LRP1B: variants seen among roughly 807,000 people sequenced by gnomAD.
The protein encoded by LRP1B is LDL receptor related protein 1B.
Under a neutral mutation model 556.6 loss-of-function variants are expected in LRP1B, and 217 were observed. The ratio of observed to expected loss-of-function variants is 0.39; its 90% confidence interval spans 0.35 to 0.44. LRP1B has a LOEUF of 0.44. Ranked by LOEUF, LRP1B falls within the 20% of genes least tolerant of loss-of-function variation. The pLI is 1.00. For missense variants in LRP1B, 5,053 were observed against 5,620.8 expected (o/e 0.90, Z 3.23); for synonymous variants, 2,047 against 1,865.8 (o/e 1.10, Z -2.50).
At chr2:140,418,511 A>G (rs1041404931) in intron 66 of LRP1B, among the ~76,000 whole-genome samples, 8 of 152,166 alleles carry the variant, frequency 5.3e-5, no homozygotes, top group African/African-American at 1.9e-4. Context: ...CAGTCAAGGC[A>G]GAATATGCTG....
chr2:142,013,993 G>T (rs1394478405), intron 1 of LRP1B, among the ~76,000 whole-genome samples: 1 of 152,106 alleles, frequency 6.6e-6, no homozygotes, highest in Non-Finnish European at 1.5e-5. Context: ...TTGCCTTAAA[G>T]ATAATAATGT....
chr2:141,245,256 T>C (rs567669088), intron 5 of LRP1B, among the ~76,000 whole-genome samples: 2 of 152,332 alleles, frequency 1.3e-5, no homozygotes, highest in East Asian at 1.9e-4. Context: ...ATAAATCAAG[T>C]CAGTAATTCA....
chr2:140,748,837 T>C (rs1688469074), intron 35 of LRP1B, among the ~76,000 whole-genome samples: 1 of 131,254 alleles, frequency 7.6e-6, no homozygotes, highest in Non-Finnish European at 1.6e-5. Flanking sequence ...TCATATATTA[T>C]ATACATGTAT....
At chr2:140,453,891 C>A (rs570676643) in intron 62 of LRP1B, among the ~76,000 whole-genome samples, 12 of 152,196 alleles carry the variant, frequency 7.9e-5, no homozygotes, top group African/African-American at 2.6e-4. Flanking sequence ...ATTAAGAATG[C>A]AAAATTTTCA....
chr2:141,660,346 C>A (rs1041010422), intron 2 of LRP1B, among the ~76,000 whole-genome samples: 4 of 152,082 alleles, frequency 2.6e-5, no homozygotes, highest in South Asian at 2.1e-4. Flanking sequence ...TGAGCCCATG[C>A]CACTAGGACC....
intron 50 of LRP1B, among the ~76,000 whole-genome samples, chr2:140,516,494 C>T (rs1263900951): frequency 2.6e-5 from 4 of 152,004 alleles, no homozygotes. Context: ...CCCAATCCCC[C>T]ATGCAGATAC....
At chr2:141,210,874 T>A (rs1682509044) in intron 6 of LRP1B, among the ~76,000 whole-genome samples, 1 of 152,188 alleles carries the variant, frequency 6.6e-6, no homozygotes, top group Non-Finnish European at 1.5e-5. Context: ...GTTTCAAACT[T>A]ATTGATAAAT....
At chr2:141,014,620 G>A (rs1385951980) in intron 13 of LRP1B, among the ~76,000 whole-genome samples, 4 of 151,920 alleles carry the variant, frequency 2.6e-5, no homozygotes, top group Non-Finnish European at 5.9e-5. Flanking sequence ...TTTAAATTTT[G>A]CTCCTTTTAA....
intron 73 of LRP1B, 91 bp downstream of exon 73, chr2:140,358,730 A>T: frequency 7.3e-7 from 1 of 1,373,808 alleles, no homozygotes. Context: ...AGATGTCCAC[A>T]TAAGAAATGT....
intron 45 of LRP1B, 94 bp downstream of exon 45, chr2:140,540,879 A>C (rs1286384627): frequency 7.6e-7 from 1 of 1,320,092 alleles, no homozygotes; most frequent in East Asian, 2.4e-5. Context: ...ATTAGAAGAG[A>C]GTATAACTTC....
At chr2:141,575,330 C>T (rs986399918) in intron 2 of LRP1B, among the ~76,000 whole-genome samples, 6 of 151,992 alleles carry the variant, frequency 3.9e-5, no homozygotes, top group Non-Finnish European at 5.9e-5. Context: ...ATCTGATCTT[C>T]GACAAACCCG....
At chr2:141,937,089 C>A (rs201459126) in intron 1 of LRP1B, among the ~76,000 whole-genome samples, 1 of 142,952 alleles carries the variant, frequency 7.0e-6, no homozygotes, top group East Asian at 2.2e-4. Flanking sequence ...ATATAAAAAA[C>A]CTTTAAAAAT....
chr2:140,400,649 G>A (rs776198068), intron 66 of LRP1B, among the ~76,000 whole-genome samples: 7 of 152,184 alleles, frequency 4.6e-5, no homozygotes, highest in African/African-American at 7.2e-5. Flanking sequence ...CACTTGGAAG[G>A]AGAGAATAAC....
chr2:141,626,541 A>C (rs547663006), intron 2 of LRP1B, among the ~76,000 whole-genome samples: 7 of 152,308 alleles, frequency 4.6e-5, no homozygotes, highest in African/African-American at 1.7e-4. Context: ...GGGAGAAAAC[A>C]TTTACGAAAG....
intron 75 of LRP1B, among the ~76,000 whole-genome samples, chr2:140,354,753 G>A (rs143947246): frequency 1.3e-5 from 2 of 152,008 alleles, no homozygotes; most frequent in African/African-American, 2.4e-5. Flanking sequence ...TTCCACACAT[G>A]CCTAGTACCC....
intron 1 of LRP1B, among the ~76,000 whole-genome samples, chr2:142,081,429 G>A (rs1705711110): frequency 6.6e-6 from 1 of 151,986 alleles, no homozygotes; most frequent in African/African-American, 2.4e-5. Context: ...TGCTCTCAAA[G>A]ATTTTATAGC....
intron 32 of LRP1B, among the ~76,000 whole-genome samples, chr2:140,782,713 C>T (rs1238018447): frequency 6.6e-6 from 1 of 152,026 alleles, no homozygotes. Context: ...ATTGATCCTA[C>T]CATACAGTCT....
chr2:140,780,325 A>T, intron 32 of LRP1B, among the ~76,000 whole-genome samples: 1 of 152,242 alleles, frequency 6.6e-6, no homozygotes, highest in Non-Finnish European at 1.5e-5. Context: ...AAAAATTAAC[A>T]AGAGGAATTT....
chr2:140,917,310 T>C lies in LRP1B; in HGVS notation c.3319+5655A>G, dbSNP rs187776593. On this transcript the variant is annotated intron_variant, in intron 21 of 90. Coordinates refer to ENST00000389484, the MANE Select transcript of LRP1B (RefSeq NM_018557.3). ...AGCCATTGCTTACAAATACTGAACA[T>C]ACTCTGACCCTACTATCCTGTAAAT... 2.6e-5 allele frequency among the ~76,000 whole-genome samples: 4 copies of C among 152,258 alleles called. No homozygotes were observed. In the East Asian group the frequency reaches 7.7e-4, roughly 29 times the overall value.
Sources: gnomAD v4.1 joint callset for allele counts (sites outside exome capture counted in the v4.1 genomes callset) on GRCh38, gnomAD v4.1.1 for gene constraint, MANE v1.5 for transcripts, NCBI Gene and HGNC (gene_info 2026-07-23, HGNC 2026-07-21) for gene names.